The following AGBL4 variants were observed in gnomAD, a reference collection of about 807,000 sequenced individuals.
AGBL4 encodes the protein cytosolic carboxypeptidase 6.
A neutral mutation model predicts 66.4 loss-of-function variants in AGBL4; 58 were observed. The ratio of observed to expected loss-of-function variants is 0.87; its 90% CI spans 0.71 to 1.09. The LOEUF (loss-of-function observed/expected upper bound fraction) is 1.09, where lower values mean the gene tolerates loss of function less well. Ranked by LOEUF, AGBL4 falls within the 50% of genes least tolerant of loss-of-function variation. The probability of loss-of-function intolerance (pLI) is 0.00; values close to 1 mark genes in which losing one functional copy is unlikely to be tolerated. For missense variants in AGBL4, 579 were observed against 631.0 expected (o/e 0.92, Z 0.88); for synonymous variants, 234 against 222.9 (o/e 1.05, Z -0.44).
chr1:48,813,105 T>TATA lies in AGBL4; in HGVS notation c.634+54083_634+54085dup, dbSNP rs1308786621. On this transcript the variant is annotated intron_variant, in intron 6 of 13. Transcript: ENST00000371839. Reference sequence around the variant, plus strand: ...TGCACATGTACCCTAAAACTTAAAGTATAATAATAATAAAAAAAATGGAGT... The same window carrying TATA: ...TGCACATGTACCCTAAAACTTAAAGTATAATAATAATAATAAAAAAAATGGAGT... 2.0e-5 allele frequency among the ~76,000 whole-genome samples: 3 copies of TATA among 151,832 alleles called. No individual in the cohort carries two copies. The East Asian group carries it at 5.8e-4, about 29-fold the overall frequency.
At chr1:48,885,143 GT>G (rs1401786820) in intron 5 of AGBL4, among the ~76,000 whole-genome samples, 2 of 152,120 alleles carry the variant, frequency 1.3e-5, no homozygotes, top group Admixed American at 6.5e-5. Flanking sequence ...TTCCTGTTTT[GT>G]TTAGCTCACA....
At chr1:49,664,503 T>C (rs1407518019) in intron 3 of AGBL4, among the ~76,000 whole-genome samples, 1 of 152,108 alleles carries the variant, frequency 6.6e-6, no homozygotes, top group Admixed American at 6.6e-5. Flanking sequence ...AATACCAAGA[T>C]ATTTCTTTAC....
chr1:49,012,332 G>C (rs1022947920), intron 5 of AGBL4, among the ~76,000 whole-genome samples: 3 of 152,142 alleles, frequency 2.0e-5, no homozygotes, highest in Admixed American at 2.0e-4. Flanking sequence ...GACAGAGAGG[G>C]AGAAGAAAGA....
chr1:49,285,521 A>C (rs1382892098), intron 3 of AGBL4, among the ~76,000 whole-genome samples: 3 of 152,126 alleles, frequency 2.0e-5, no homozygotes, highest in Non-Finnish European at 4.4e-5. Flanking sequence ...AACTAAAATC[A>C]GCGTAGAACA....
At chr1:49,234,303 GC>G (rs1448214309) in intron 4 of AGBL4, among the ~76,000 whole-genome samples, 8 of 152,146 alleles carry the variant, frequency 5.3e-5, no homozygotes, top group Non-Finnish European at 1.0e-4. Context: ...ACACAGCATT[GC>G]ACTGACAGGA....
chr1:48,530,012 C>T (rs1404520755), downstream of AGBL4, among the ~76,000 whole-genome samples: 1 of 151,790 alleles, frequency 6.6e-6, no homozygotes, highest in Non-Finnish European at 1.5e-5. Context: ...ACTTAACATG[C>T]TTCCTTCCCC....
chr1:48,932,726 G>A (rs1655130919), intron 5 of AGBL4, among the ~76,000 whole-genome samples: 1 of 152,134 alleles, frequency 6.6e-6, no homozygotes, highest in African/African-American at 2.4e-5. Flanking sequence ...GCTGTGGCAG[G>A]AAATCACACT....
At chr1:48,686,660 C>A (rs898417662) in intron 6 of AGBL4, among the ~76,000 whole-genome samples, 5 of 152,232 alleles carry the variant, frequency 3.3e-5, no homozygotes, top group Non-Finnish European at 7.3e-5. Flanking sequence ...CCCCAAGGAG[C>A]TGTGACACAC....
At chr1:49,073,949 C>T (rs1442182213) in intron 4 of AGBL4, among the ~76,000 whole-genome samples, 6 of 152,172 alleles carry the variant, frequency 3.9e-5, no homozygotes, top group Non-Finnish European at 8.8e-5. Context: ...GATGCCCAGC[C>T]CACGAGGTGG....
chr1:49,944,295 C>T (rs1220721365), intron 1 of AGBL4, among the ~76,000 whole-genome samples: 1 of 152,086 alleles, frequency 6.6e-6, no homozygotes, highest in African/African-American at 2.4e-5. Context: ...CCACAGAGTC[C>T]ATTTCACCAT....
chr1:49,054,080 A>G (rs1644267538), intron 4 of AGBL4, among the ~76,000 whole-genome samples: 2 of 152,130 alleles, frequency 1.3e-5, no homozygotes, highest in African/African-American at 4.8e-5. Context: ...GCTATACTAC[A>G]TATAACTTCT....
intron 3 of AGBL4, among the ~76,000 whole-genome samples, chr1:49,295,501 T>C (rs2148434490): frequency 6.6e-6 from 1 of 152,262 alleles, no homozygotes; most frequent in Middle Eastern, 3.4e-3. Context: ...ACTGTGAATA[T>C]AGGTAGAGAT....
chr1:49,728,214 C>A lies in AGBL4; in HGVS notation c.158-30777G>T, dbSNP rs560482173. Among the ~76,000 whole-genome samples the A allele has an allele frequency of 7.9e-5, 12 of 152,206 alleles. No individual in the cohort carries two copies. The South Asian group carries it at 2.1e-3, about 26-fold the overall frequency. ...ATCTGTTACCGGAAGAAGGAAAATCCATTTTGCAAAATAACAGGGAGATTA... is the reference window on the plus strand; with the variant it reads ...ATCTGTTACCGGAAGAAGGAAAATCAATTTTGCAAAATAACAGGGAGATTA... On this transcript the variant is annotated intron_variant, in intron 2 of 13. Coordinates refer to ENST00000371839, the MANE Select transcript of AGBL4 (RefSeq NM_032785.4).
intron 5 of AGBL4, among the ~76,000 whole-genome samples, chr1:48,884,776 C>T (rs1177949584): frequency 6.6e-6 from 1 of 151,976 alleles, no homozygotes; most frequent in Non-Finnish European, 1.5e-5. Context: ...TTTATAATTA[C>T]TTAGACAAGC....
intron 4 of AGBL4, among the ~76,000 whole-genome samples, chr1:49,104,003 C>A (rs75348206): frequency 0.028 from 4,200 of 152,236 alleles, 169 homozygotes; most frequent in African/African-American, 0.096. Context: ...GCCATTCCAC[C>A]GACTCATGTT....
chr1:49,371,750 G>C (rs965944006), intron 3 of AGBL4, among the ~76,000 whole-genome samples: 3 of 151,728 alleles, frequency 2.0e-5, no homozygotes, highest in East Asian at 1.9e-4. Context: ...CGATTTCAAA[G>C]CATCTGGATA....
intron 3 of AGBL4, among the ~76,000 whole-genome samples, chr1:49,479,165 T>C (rs1320801625): frequency 1.3e-5 from 2 of 151,968 alleles, no homozygotes; most frequent in Non-Finnish European, 2.9e-5. Context: ...ACAAATTAAG[T>C]AATGCTGTAG....
At chr1:49,188,331 A>G (rs951783557) in intron 4 of AGBL4, among the ~76,000 whole-genome samples, 1 of 152,106 alleles carries the variant, frequency 6.6e-6, no homozygotes, top group African/African-American at 2.4e-5. Flanking sequence ...CACCTATACA[A>G]TGCTGGAGAT....
intron 3 of AGBL4, among the ~76,000 whole-genome samples, chr1:49,396,420 G>A (rs1157262353): frequency 3.9e-5 from 6 of 152,136 alleles, no homozygotes; most frequent in Admixed American, 6.6e-5. Context: ...ATGCATATAT[G>A]TTTGGAAAGT....
Sources: allele counts gnomAD v4.1 joint callset (sites outside exome capture counted in the v4.1 genomes callset), GRCh38; gene constraint gnomAD v4.1.1; transcripts MANE v1.5; gene names NCBI Gene and HGNC (gene_info 2026-07-23, HGNC 2026-07-21).